Variants in PPA2 observed in about 807,000 individuals in gnomAD.
PPA2 encodes the protein inorganic pyrophosphatase 2, mitochondrial.
PPA2 carries 48 observed loss-of-function variants against 49.5 expected under a neutral mutation model. That is an observed-to-expected ratio of 0.97 (90% confidence interval 0.77 to 1.23). The LOEUF is 1.23. Ranked by LOEUF, PPA2 falls within the 50% of genes most tolerant of loss-of-function variation. The pLI, the probability that PPA2 is intolerant of heterozygous loss-of-function variation, is 0.00. For synonymous variants in PPA2, 131 were observed against 139.9 expected (o/e 0.94, Z 0.45); for missense variants, 429 against 410.1 (o/e 1.05, Z -0.40).
chr4:105,392,274 A>AGC (rs1733954507), intron 9 of PPA2, among the ~76,000 whole-genome samples: 2 of 150,004 alleles, frequency 1.3e-5, no homozygotes, highest in African/African-American at 4.9e-5. Context: ...CAACAACAAC[A>AGC]AAAAAAAAAA....
chr4:105,400,702 T>TATATAACTTTTACAAATC (rs1734329940), intron 7 of PPA2, among the ~76,000 whole-genome samples: 4 of 152,188 alleles, frequency 2.6e-5, no homozygotes, highest in African/African-American at 9.6e-5. Flanking sequence ...TCTTCCACTG[T>TATATAACTTTTACAAATC]ATATAACTTT....
At chr4:105,424,545 AAAC>A (rs1256773356) in intron 6 of PPA2, among the ~76,000 whole-genome samples, 1 of 152,226 alleles carries the variant, frequency 6.6e-6, no homozygotes, top group Non-Finnish European at 1.5e-5. Context: ...TTTTACAGAT[AAAC>A]AACTTGCCCT....
Position 105,456,870 on chromosome 4 carries a change from C to T in PPA2, c.158-125G>A, listed in dbSNP as rs77806360. On this transcript the variant is annotated intron_variant, in intron 1 of 11. Coordinates refer to ENST00000341695, the MANE Select transcript of PPA2 (RefSeq NM_176869.3). ...GCATTTTTTACAAAGCTAACTTTAA[C>T]TCCCAACTTAAAGTTAATTCAACTT... The T allele has an allele frequency of 0.013, 8,182 of 653,660 alleles. 297 individuals are homozygous for T. Among genetic ancestry groups the T allele is most frequent in the African/African-American group, 0.096 (5,098 of 53,266 alleles). The allele number at this position is 653,660 out of a possible 1,614,324, so 40.5% of individuals were successfully genotyped here.
chr4:105,374,880 C>T (rs1371778531), intron 10 of PPA2, among the ~76,000 whole-genome samples: 10 of 138,770 alleles, frequency 7.2e-5, no homozygotes, highest in South Asian at 2.3e-4. Context: ...TTTTTAGAGA[C>T]GGGGTTTTAC....
chr4:105,376,670 G>A (rs891616338), intron 10 of PPA2, among the ~76,000 whole-genome samples: 2 of 152,160 alleles, frequency 1.3e-5, no homozygotes, highest in Non-Finnish European at 2.9e-5. Context: ...AGTGGCATGG[G>A]TCTGGTTCCC....
chr4:105,445,655 C>G (rs1448291660), intron 5 of PPA2, among the ~76,000 whole-genome samples: 1 of 151,992 alleles, frequency 6.6e-6, no homozygotes, highest in African/African-American at 2.4e-5. Context: ...GACAGATGGT[C>G]TATGGTTTTT....
At chr4:105,473,727 G>T in intron 1 of PPA2, 167 bp downstream of exon 1, 1 of 1,056,218 alleles carries the variant, frequency 9.5e-7, no homozygotes, top group Non-Finnish European at 1.5e-6. Flanking sequence ...CTCGTGACTC[G>T]GTGCGCGCTC....
intron 7 of PPA2, 119 bp from the exon 8 acceptor site, chr4:105,399,283 T>C (rs924020708): frequency 5.3e-6 from 5 of 934,596 alleles, no homozygotes; most frequent in Admixed American, 5.0e-5. Context: ...AGAAGCACAA[T>C]TGATTGTGAT....
intron 7 of PPA2, among the ~76,000 whole-genome samples, chr4:105,410,879 C>T (rs557107442): frequency 1.7e-4 from 26 of 152,316 alleles, no homozygotes; most frequent in African/African-American, 5.5e-4. Context: ...GATTTTGTCA[C>T]CACCAGGCCT....
At chr4:105,374,363 C>A (rs1578790519) in intron 10 of PPA2, among the ~76,000 whole-genome samples, 1 of 152,132 alleles carries the variant, frequency 6.6e-6, no homozygotes, top group South Asian at 2.1e-4. Context: ...GAGTTTGAGA[C>A]CAGCCCCGGC....
At chr4:105,420,381 C>G in intron 7 of PPA2, among the ~76,000 whole-genome samples, 1 of 152,166 alleles carries the variant, frequency 6.6e-6, no homozygotes, top group Non-Finnish European at 1.5e-5. Context: ...TGTTGGGTTA[C>G]TGGTGCGAGC....
chr4:105,434,385 G>T (rs193207292), intron 6 of PPA2, among the ~76,000 whole-genome samples: 8 of 152,280 alleles, frequency 5.3e-5, no homozygotes, highest in Admixed American at 1.3e-4. Context: ...TACACTAAAT[G>T]AGAGTTTCTC....
rs74771401 is a variant in PPA2 at position 105,407,360 on chromosome 4, G to A, written c.656-8196C>T. On this transcript the variant is annotated intron_variant, in intron 7 of 11. Transcript: ENST00000341695. ...AACAAAGTATAAAGAATGAATACATGTTCTGACAGCAACTGGATACCTTGC... is the reference window on the plus strand; with the variant it reads ...AACAAAGTATAAAGAATGAATACATATTCTGACAGCAACTGGATACCTTGC... Among the ~76,000 whole-genome samples, 1,492 of 152,314 alleles carry A rather than the reference G, an allele frequency of 9.8e-3. 30 individuals carry two copies. Among genetic ancestry groups the A allele is most frequent in the African/African-American group, 0.034 (1,415 of 41,566 alleles).
chr4:105,399,202 C>A, intron 7 of PPA2, 38 bp from the exon 8 acceptor site: 1 of 1,564,044 alleles, frequency 6.4e-7, no homozygotes, highest in Non-Finnish European at 8.6e-7. Flanking sequence ...TTGTTAAGAA[C>A]CAAAATTAAT....
intron 6 of PPA2, among the ~76,000 whole-genome samples, chr4:105,425,751 CA>C (rs1723473380): frequency 6.6e-6 from 1 of 151,560 alleles, no homozygotes; most frequent in African/African-American, 2.4e-5. Flanking sequence ...CACACACACA[CA>C]CACACACACA....
At chr4:105,458,970 T>C (rs1453328869) in intron 1 of PPA2, among the ~76,000 whole-genome samples, 1 of 152,166 alleles carries the variant, frequency 6.6e-6, no homozygotes, top group Non-Finnish European at 1.5e-5. Context: ...AGTTGTTCAT[T>C]TTTGTTTGTT....
chr4:105,456,725 TGTA>T lies in PPA2; in HGVS notation c.175_177del (p.Tyr59del), dbSNP rs1722889678. ...AGAGGAATATCATGAAAGGGGGAAA[TGTA>T]GTGACCAGTTACATTCTCTGCAAAG... is the stretch of plus-strand genomic sequence containing the variant. On this transcript the variant is annotated inframe_deletion, in exon 2 of 12. Coordinates refer to ENST00000341695, the MANE Select transcript of PPA2 (RefSeq NM_176869.3). 3 of 1,607,054 alleles carry T rather than the reference TGTA, an allele frequency of 1.9e-6. No individual in the cohort carries two copies. In the African/African-American group the frequency reaches 4.0e-5, roughly 22 times the overall value.
At chr4:105,399,301 G>C in intron 7 of PPA2, 137 bp from the exon 8 acceptor site, 1 of 758,586 alleles carries the variant, frequency 1.3e-6, no homozygotes, top group Non-Finnish European at 2.1e-6. Context: ...GATACCTAGA[G>C]CAGCATCATC....
At chr4:105,432,755 T>TA (rs1723873291) in intron 6 of PPA2, among the ~76,000 whole-genome samples, 1 of 152,184 alleles carries the variant, frequency 6.6e-6, no homozygotes, top group Non-Finnish European at 1.5e-5. Flanking sequence ...TTGTTAGTGT[T>TA]AGTGTATTTT....
Sources: gnomAD v4.1 joint callset for allele counts (sites outside exome capture counted in the v4.1 genomes callset) on GRCh38, gnomAD v4.1.1 for gene constraint, MANE v1.5 for transcripts, NCBI Gene and HGNC (gene_info 2026-07-23, HGNC 2026-07-21) for gene names.